CFAP65: variants seen among roughly 807,000 people sequenced by gnomAD.
CFAP65 encodes cilia and flagella associated protein 65, also known as cilia- and flagella-associated protein 65.
A neutral mutation model predicts 208.0 loss-of-function variants in CFAP65; 155 were observed. The observed-to-expected ratio is 0.75, with a 90% CI of 0.65 to 0.85. The LOEUF (loss-of-function observed/expected upper bound fraction) is 0.85, where lower values mean the gene tolerates loss of function less well. Among genes scored for constraint, CFAP65 ranks in the 40% least tolerant of loss-of-function variants. The pLI, the probability that CFAP65 is intolerant of heterozygous loss-of-function variation, is 0.00. For synonymous variants in CFAP65, 970 were observed against 986.3 expected, an observed-to-expected ratio of 0.98 and a Z score of 0.31; for missense variants, 2,294 against 2,451.3, an observed-to-expected ratio of 0.94 and a Z score of 1.36.
Position 219,010,661 on chromosome 2 carries a change from A to C in CFAP65, c.4193T>G (p.Ile1398Ser). Residue 1398 changes from isoleucine to serine, a missense_variant, in exon 26 of 35, where the codon ATC becomes AGC. This residue lies in a region of CFAP65 where 1,427 missense variants were observed against 1,438.7 expected (regional missense o/e 0.99). Coordinates refer to ENST00000341552, the MANE Select transcript of CFAP65 (RefSeq NM_194302.4). The part of the protein sequence containing the change: ...IHILGWNSAL[I>S]HFQGVGYNPH... Reference sequence around the variant, plus strand: ...GTTGTAGCCCACTCCCTGGAAGTGGATGAGGGCCGAGTTCCATCCCAGGAT... The same window carrying C: ...GTTGTAGCCCACTCCCTGGAAGTGGCTGAGGGCCGAGTTCCATCCCAGGAT... The C allele has an allele frequency of 6.2e-7, 1 of 1,610,686 alleles. No homozygotes were observed. The highest frequency in any genetic ancestry group is 8.5e-7 in the Non-Finnish European group (1 of 1,179,030).
rs58105158 is a variant in CFAP65, at chr2:219,004,885, T to TTC, written c.5052-432_5052-431dup. Reference sequence around the variant, plus strand: ...AAGAAGTTCTGTTTCTTTTTTTCTTTTCTCTCTCTCTCTATTTCTCTCTTT... The same window carrying TTC: ...AAGAAGTTCTGTTTCTTTTTTTCTTTTCTCTCTCTCTCTCTATTTCTCTCTTT... On this transcript the variant is annotated intron_variant, in intron 32 of 34. Transcript: ENST00000341552. The surrounding 1 kb of genome is among the most constrained non-coding windows in gnomAD (Gnocchi z 4.7). 0.098 allele frequency among the ~76,000 whole-genome samples: 14,408 copies of TTC among 147,450 alleles called. 1,504 individuals carry two copies. The highest frequency in any genetic ancestry group is 0.27 in the African/African-American group (10,216 of 37,898).
intron 8 of CFAP65, 75 bp from the exon 9 acceptor site, chr2:219,030,909 A>G: frequency 6.5e-7 from 1 of 1,542,492 alleles, no homozygotes; most frequent in Non-Finnish European, 8.8e-7. Flanking sequence ...CCCCTCGAAG[A>G]AGGCAGGTGG....
Position 219,029,635 on chromosome 2 carries a change from T to G in CFAP65, c.1418A>C (p.Asn473Thr), listed in dbSNP as rs1373700851. 6.2e-7 allele frequency: 1 copy of G among 1,613,990 alleles called. No individual in the cohort carries two copies. Reference protein sequence around the residue: ...PAVSLQHYCVNFSWVNLGERS... With the variant: ...PAVSLQHYCVTFSWVNLGERS... ...CTCCCCAAGGTTGACCCAGCTGAAG[T>G]TGACACAGTAGTGCTGCAGGGACAC... is the stretch of plus-strand genomic sequence containing the variant. The change falls in exon 11 of 35, where the codon AAC (asparagine) becomes ACC (threonine). Residue 473 changes from asparagine (N) to threonine (T), a missense_variant. Physicochemically the swap from Asn to Thr is moderately conservative, Grantham distance 65. Coordinates refer to ENST00000341552, the MANE Select transcript of CFAP65 (RefSeq NM_194302.4).
chr2:219,031,308 G>A lies in CFAP65; in HGVS notation c.816-3C>T. The A allele has an allele frequency of 6.2e-7, 1 of 1,613,404 alleles. No individual in the cohort carries two copies. The highest frequency in any genetic ancestry group is 1.3e-5 in the African/African-American group (1 of 75,032). ...AGGTGAAGAAGGTGGGCAGGTCCCT[G>A]GGGGTGGGGGGCAGGTCAGGGCACT... On this transcript the variant is annotated splice_region_variant and splice_polypyrimidine_tract_variant and intron_variant, in intron 7 of 34. Transcript: ENST00000341552. This position sits in a 1 kb window ranked among gnomAD's most constrained non-coding sequence, Gnocchi z 5.2.
Position 219,022,231 on chromosome 2 carries a change from G to C in CFAP65, c.2919C>G (p.Pro973=). The C allele has an allele frequency of 6.2e-7, 1 of 1,606,524 alleles. No individual in the cohort carries two copies. Among genetic ancestry groups the C allele is most frequent in the Non-Finnish European group, 8.5e-7 (1 of 1,176,788 alleles). ...GGAGCATGTAGTGGGTGGTGGCAGC[G>C]GGGTTGGCATTTGGGGACAGGCCGG... is the stretch of plus-strand genomic sequence containing the variant. ...WEAGLSPNAN[P]AATTHYMLRL... Residue 973 remains proline (P), a synonymous_variant, in exon 17 of 35, where the codon CCC becomes CCG. Transcript: ENST00000341552.
chr2:219,024,504 G>A (rs1465352079), intron 14 of CFAP65, among the ~76,000 whole-genome samples: 1 of 151,186 alleles, frequency 6.6e-6, no homozygotes, highest in Non-Finnish European at 1.5e-5. Context: ...CGGGGGCACA[G>A]GCCCCTGGGA....
At chr2:219,041,463 C>G in intron 1 of CFAP65, 25 bp downstream of exon 1, 2 of 1,550,454 alleles carry the variant, frequency 1.3e-6, no homozygotes, top group Non-Finnish European at 1.7e-6. Flanking sequence ...ACCCTGGGAC[C>G]TTGGGACTAA....
intron 5 of CFAP65, chr2:219,035,204 T>C: frequency 1.1e-6 from 1 of 947,204 alleles, no homozygotes; most frequent in Non-Finnish European, 1.5e-6. Context: ...TGGACACATA[T>C]ACACGAATGC....
rs1309131129 is a variant in CFAP65, at chr2:219,021,193, T to A, written c.3218A>T (p.Gln1073Leu). 1 of 1,605,738 alleles carries A rather than the reference T, an allele frequency of 6.2e-7. No homozygotes were observed. The highest frequency in any genetic ancestry group is 8.5e-7 in the Non-Finnish European group (1 of 1,175,758). ...AGAGTAGGTGATGGTCCAGGAGTACTGGGACCGCTGCTTGGGACAGGCAGT... is the reference window on the plus strand; with the variant it reads ...AGAGTAGGTGATGGTCCAGGAGTACAGGGACCGCTGCTTGGGACAGGCAGT... Reference protein sequence around the residue: ...CLTACPKQRSQYSWTITYSLL... With the variant: ...CLTACPKQRSLYSWTITYSLL... The change falls in exon 19 of 35, where the codon CAG (glutamine) becomes CTG (leucine). Residue 1073 changes from glutamine (Q) to leucine (L), a missense_variant. Physicochemically the swap from Gln to Leu is moderately radical, Grantham distance 113. Coordinates refer to ENST00000341552, the MANE Select transcript of CFAP65 (RefSeq NM_194302.4).
rs1430884488 is a variant in CFAP65, at chr2:219,010,538, T to C, written c.4308+8A>G. The C allele has an allele frequency of 1.2e-6, 2 of 1,606,848 alleles. No individual in the cohort carries two copies. Among genetic ancestry groups the C allele is most frequent in the African/African-American group, 1.3e-5 (1 of 74,798 alleles). ...GGCCTCAGGCCTTCCTAGCTCCCCTTTCCCCACCTGTCCAGGCACCACCAG... is the reference window on the plus strand; with the variant it reads ...GGCCTCAGGCCTTCCTAGCTCCCCTCTCCCCACCTGTCCAGGCACCACCAG... On this transcript the variant is annotated splice_region_variant and intron_variant, in intron 26 of 34. Transcript: ENST00000341552.
chr2:219,023,013 C>T lies in CFAP65; in HGVS notation c.2820+194G>A, dbSNP rs76276480. Among the ~76,000 whole-genome samples, 1,489 of 152,268 alleles carry T rather than the reference C, an allele frequency of 9.8e-3. 29 individuals are homozygous for T. Among genetic ancestry groups the T allele is most frequent in the African/African-American group, 0.033 (1,391 of 41,558 alleles). On this transcript the variant is annotated intron_variant, in intron 16 of 34. Transcript: ENST00000341552. Reference sequence around the variant, plus strand: ...CTTATGATCTTAGTAAATGGCTTCCCCTTCTCAAGCCTCAATTATTTGTAA... The same window carrying T: ...CTTATGATCTTAGTAAATGGCTTCCTCTTCTCAAGCCTCAATTATTTGTAA...
chr2:219,019,348 C>T lies in CFAP65; in HGVS notation c.3473+158G>A, dbSNP rs148385098. 1.6e-3 allele frequency among the ~76,000 whole-genome samples: 238 copies of T among 152,290 alleles called. 1 individual carries two copies. The highest frequency in any genetic ancestry group is 5.4e-3 in the African/African-American group (226 of 41,552). ...CAGACCTCAAGCCAATTCTTCCCTTCCCTGGGCCCCTCCAGGGATGGGCGA... is the reference window on the plus strand; with the variant it reads ...CAGACCTCAAGCCAATTCTTCCCTTTCCTGGGCCCCTCCAGGGATGGGCGA... On this transcript the variant is annotated intron_variant, in intron 20 of 34. Coordinates refer to ENST00000341552, the MANE Select transcript of CFAP65 (RefSeq NM_194302.4).
chr2:219,026,158 AC>A lies in CFAP65; in HGVS notation c.2212del (p.Val738SerfsTer20). On this transcript the variant is annotated frameshift_variant and splice_region_variant, in exon 14 of 35. Coordinates refer to ENST00000341552, the MANE Select transcript of CFAP65 (RefSeq NM_194302.4). LOFTEE classifies it high-confidence loss of function. The stretch of plus-strand genomic sequence containing the variant: ...CTCAATATTACTGTAGCTCTGCAGG[AC>A]CTGCAGAGGGGCCAGACCCACGGAA... ...VELEAFAIYKVLQSYSNIEED... is the reference protein window; with the variant it reads ...VELEAFAIYKXLQSYSNIEED... 1 of 1,609,464 alleles carries A rather than the reference AC, an allele frequency of 6.2e-7. No individual in the cohort carries two copies. The highest frequency in any genetic ancestry group is 1.1e-5 in the South Asian group (1 of 90,952).
chr2:219,019,680 G>A lies in CFAP65; in HGVS notation c.3299C>T (p.Ser1100Phe), dbSNP rs768631105. The change falls in exon 20 of 35, where the codon TCC (serine) becomes TTC (phenylalanine). Residue 1100 changes from serine (S) to phenylalanine (F), a missense_variant. This residue lies in a region of CFAP65 where 1,427 missense variants were observed against 1,438.7 expected (regional missense o/e 0.99). Transcript: ENST00000341552. ...AGEKQELCCV[S>F]LVAVYPLLSI... ...AAGCAAGGGGTACACGGCCACCAGG[G>A]AGACGCAGCACAGCTCCTGCTTCTC... The A allele has an allele frequency of 1.2e-6, 2 of 1,613,592 alleles. No homozygotes were observed. The highest frequency in any genetic ancestry group is 2.2e-5 in the South Asian group (2 of 91,072).
Position 219,026,071 on chromosome 2 carries a change from A to T in CFAP65, c.2300T>A (p.Phe767Tyr). The change falls in exon 14 of 35, where the codon TTC becomes TAC. Residue 767 changes from phenylalanine (F) to tyrosine (Y), a missense_variant. By Grantham distance (22) the Phe-to-Tyr change is conservative (BLOSUM62 3). Around this residue, in one of 2 missense-constraint regions of CFAP65, gnomAD observed 867 missense variants for 1,012.6 expected, o/e 0.86. Coordinates refer to ENST00000341552, the MANE Select transcript of CFAP65 (RefSeq NM_194302.4). Reference sequence around the variant, plus strand: ...GGGGATGTGGTGCTCAAAGCCAGCGAAATAGCTGTGGCCTCGTGCCCGCAC... The same window carrying T: ...GGGGATGTGGTGCTCAAAGCCAGCGTAATAGCTGTGGCCTCGTGCCCGCAC... ...LTVRARGHSY[F>Y]AGFEHHIPQY... 6.2e-7 allele frequency: 1 copy of T among 1,614,158 alleles called. No individual in the cohort carries two copies. The highest frequency in any genetic ancestry group is 8.5e-7 in the Non-Finnish European group (1 of 1,180,030).
intron 29 of CFAP65, 35 bp from the exon 30 acceptor site, chr2:219,006,544 A>G (rs1025750732): frequency 1.2e-5 from 19 of 1,610,402 alleles, no homozygotes; most frequent in Middle Eastern, 1.7e-4. Context: ...TTAAGATACA[A>G]GAGGCCCGGC....
In CFAP65 at chr2:219,011,918, G is replaced by A. The variant is rs558822095; in HGVS notation, c.3958-922C>T. ...TTGAAACCTAATCCTCAATACAATA[G>A]TATTAAGAGATGATCAGGAGGTGAT... On this transcript the variant is annotated intron_variant, in intron 24 of 34. Transcript: ENST00000341552. Among the ~76,000 whole-genome samples the A allele has an allele frequency of 4.6e-5, 7 of 152,332 alleles. No homozygotes were observed. In the South Asian group the frequency reaches 1.4e-3, roughly 32 times the overall value.
chr2:219,031,152 G>T lies in CFAP65; in HGVS notation c.969C>A (p.Tyr323Ter). ...TGCTCCTCTGCCGGCTGCCCGCCCC[G>T]TACCAGCACGTGGCCTGCACCTCGT... is the stretch of plus-strand genomic sequence containing the variant. ...VIYEVQATCW[Y>*]GAGSRQRSSI... The change falls in exon 8 of 35, where the codon TAC (tyrosine) becomes TAA (stop). Residue 323 changes from tyrosine to a stop codon, truncating the protein, a stop_gained. Transcript: ENST00000341552. LOFTEE classifies it high-confidence loss of function. This position sits in a 1 kb window ranked among gnomAD's most constrained non-coding sequence, Gnocchi z 5.2. The T allele has an allele frequency of 1.9e-6, 3 of 1,606,904 alleles. No individual in the cohort carries two copies. The highest frequency in any genetic ancestry group is 1.7e-4 in the Middle Eastern group (1 of 6,048).
At chr2:219,024,337 G>A in intron 14 of CFAP65, 77 bp from the exon 15 acceptor site, 2 of 1,519,362 alleles carry the variant, frequency 1.3e-6, no homozygotes, top group African/African-American at 1.4e-5. Flanking sequence ...CCCTATGGGG[G>A]CTTGGGAGGA....
Sources: gnomAD v4.1 joint callset for allele counts (sites outside exome capture counted in the v4.1 genomes callset) on GRCh38, gnomAD v4.1.1 for gene constraint, gnomAD v4.1.1 regional missense constraint, Gnocchi (gnomAD v3.1) non-coding constraint, MANE v1.5 for transcripts, NCBI Gene and HGNC (gene_info 2026-07-23, HGNC 2026-07-21) for gene names.